The following PCDHGC3 variants were observed in gnomAD, a reference collection of about 807,000 sequenced individuals.
The protein encoded by PCDHGC3 is protocadherin gamma subfamily C, 3, also known as protocadherin gamma-C3.
A neutral mutation model predicts 59.2 loss-of-function variants in PCDHGC3; 26 were observed. The observed-to-expected ratio is 0.44, with a 90% CI of 0.32 to 0.61. The LOEUF is 0.61. Ranked by LOEUF, PCDHGC3 falls within the 20% of genes least tolerant of loss-of-function variation. The pLI, the probability that PCDHGC3 is intolerant of heterozygous loss-of-function variation, is 0.05. For synonymous variants in PCDHGC3, 487 were observed against 519.7 expected, an observed-to-expected ratio of 0.94 and a Z score of 0.86; for missense variants, 1,080 against 1,221.8, an observed-to-expected ratio of 0.88 and a Z score of 1.73.
chr5:141,487,297 C>A lies in PCDHGC3; in HGVS notation c.2431-7510C>A. ...TTTGCTTTGTCTCCTTTGGCTCATT[C>A]GTGGCACTACTCTCTAAGTGTCTTC... is the stretch of plus-strand genomic sequence containing the variant. On this transcript the variant is annotated intron_variant, in intron 1 of 3. Transcript: ENST00000308177. This position sits in a 1 kb window ranked among gnomAD's most constrained non-coding sequence, Gnocchi z 5.0. 1 of 1,614,102 alleles carries A rather than the reference C, an allele frequency of 6.2e-7. No homozygotes were observed. The highest frequency in any genetic ancestry group is 8.5e-7 in the Non-Finnish European group (1 of 1,180,002).
intron 1 of PCDHGC3, among the ~76,000 whole-genome samples, chr5:141,492,090 C>T (rs751238997): frequency 1.4e-4 from 21 of 152,258 alleles, no homozygotes; most frequent in Admixed American, 6.5e-5. Flanking sequence ...GCACGCTTCG[C>T]CGGTCTGTAG....
chr5:141,491,567 C>T lies in PCDHGC3; in HGVS notation c.2431-3240C>T, dbSNP rs2099721325. On this transcript the variant is annotated intron_variant, in intron 1 of 3. Transcript: ENST00000308177. The surrounding 1 kb of genome is among the most constrained non-coding windows in gnomAD (Gnocchi z 6.9). ...GACTCGCAGAGCCACTGCTACAGGACGTGCTTTTCACCGGCCTCGGACGGC... is the reference window on the plus strand; with the variant it reads ...GACTCGCAGAGCCACTGCTACAGGATGTGCTTTTCACCGGCCTCGGACGGC... 1.9e-6 allele frequency: 3 copies of T among 1,614,004 alleles called. No individual in the cohort carries two copies. The highest frequency in any genetic ancestry group is 2.5e-6 in the Non-Finnish European group (3 of 1,180,034).
rs2099686717 is a variant in PCDHGC3, at chr5:141,489,403, A to C, written c.2431-5404A>C. The C allele has an allele frequency of 6.2e-7, 1 of 1,614,172 alleles. No homozygotes were observed. Among genetic ancestry groups the C allele is most frequent in the East Asian group, 2.2e-5 (1 of 44,884 alleles). On this transcript the variant is annotated intron_variant, in intron 1 of 3. Coordinates refer to ENST00000308177, the MANE Select transcript of PCDHGC3 (RefSeq NM_002588.4). The surrounding 1 kb of genome is among the most constrained non-coding windows in gnomAD (Gnocchi z 4.5). ...GAATGTTGCTCAGGATCTGGGCTTA[A>C]AGATGACAGATCTGTTGAGCCGGCG...
At chr5:141,494,763 C>T in intron 1 of PCDHGC3, 44 bp from the exon 2 acceptor site, 4 of 1,613,926 alleles carry the variant, frequency 2.5e-6, no homozygotes, top group Admixed American at 1.7e-5. Context: ...GACATTCTAA[C>T]TTCTCACGGG....
At position 141,486,182 on chromosome 5, in the gene PCDHGC3, C is replaced by G. The variant is rs1288782056; in HGVS notation, c.2430+7636C>G. On this transcript the variant is annotated intron_variant, in intron 1 of 3. Transcript: ENST00000308177. This position sits in a 1 kb window ranked among gnomAD's most constrained non-coding sequence, Gnocchi z 5.0. ...AGCCATGGAGCAACATTGCAGCCTT[C>G]GAGTGGATCTGCTGGACGTAAATGA... 1 of 1,614,198 alleles carries G rather than the reference C, an allele frequency of 6.2e-7. No individual in the cohort carries two copies. Among genetic ancestry groups the G allele is most frequent in the Non-Finnish European group, 8.5e-7 (1 of 1,180,028 alleles).
Position 141,501,940 on chromosome 5 carries a change from C to T in PCDHGC3, c.2490-3453C>T, listed in dbSNP as rs565207980. Among the ~76,000 whole-genome samples the T allele has an allele frequency of 2.6e-5, 4 of 152,250 alleles. No individual in the cohort carries two copies. In the East Asian group the frequency reaches 7.7e-4, roughly 29 times the overall value. On this transcript the variant is annotated intron_variant, in intron 2 of 3. Transcript: ENST00000308177. ...CAGCTTTGTTCCCTCAACACCACTG[C>T]TCCCTGTGACAGGTCATCCTCCTAA...
rs2099710738 is a variant in PCDHGC3, at chr5:141,491,331, T to C, written c.2431-3476T>C. 6.2e-7 allele frequency: 1 copy of C among 1,614,170 alleles called. No homozygotes were observed. The highest frequency in any genetic ancestry group is 8.5e-7 in the Non-Finnish European group (1 of 1,180,018). On this transcript the variant is annotated intron_variant, in intron 1 of 3. Coordinates refer to ENST00000308177, the MANE Select transcript of PCDHGC3 (RefSeq NM_002588.4). The surrounding 1 kb of genome is among the most constrained non-coding windows in gnomAD (Gnocchi z 6.9). ...ACCTTACCCTTTACCTCATTGTGGC[T>C]CTAGCGACCGTCAGTCTCTTATCCC...
At chr5:141,502,815 TTTCC>T in intron 2 of PCDHGC3, among the ~76,000 whole-genome samples, 1 of 151,372 alleles carries the variant, frequency 6.6e-6, no homozygotes, top group East Asian at 1.9e-4. Context: ...TTCACTGTCT[TTTCC>T]TTGGGGAAGC....
intron 1 of PCDHGC3, 62 bp from the exon 2 acceptor site, chr5:141,494,745 G>T: frequency 1.2e-6 from 2 of 1,612,802 alleles, no homozygotes; most frequent in African/African-American, 1.3e-5. Context: ...ATCCCTAGGG[G>T]CTCGGGTGAC....
chr5:141,501,964 A>G (rs1374872785), intron 2 of PCDHGC3, among the ~76,000 whole-genome samples: 1 of 151,854 alleles, frequency 6.6e-6, no homozygotes, highest in East Asian at 1.9e-4. Flanking sequence ...TCATCCTCCT[A>G]ACCTCTGGCA....
At chr5:141,506,164 G>A (rs959032250) in intron 3 of PCDHGC3, among the ~76,000 whole-genome samples, 17 of 152,140 alleles carry the variant, frequency 1.1e-4, no homozygotes, top group Non-Finnish European at 2.4e-4. Context: ...TAAGAGCACA[G>A]CCTAAGCTGG....
chr5:141,502,955 T>C (rs2099817293), intron 2 of PCDHGC3, among the ~76,000 whole-genome samples: 1 of 149,868 alleles, frequency 6.7e-6, no homozygotes, highest in Non-Finnish European at 1.5e-5. Context: ...GCGATTCTCC[T>C]GCCTCAGCCT....
chr5:141,496,215 T>C (rs2099767024), intron 2 of PCDHGC3, among the ~76,000 whole-genome samples: 3 of 152,114 alleles, frequency 2.0e-5, no homozygotes, highest in Non-Finnish European at 4.4e-5. Context: ...TATGAATTCC[T>C]GCTGAGACAG....
At position 141,505,629 on chromosome 5, in the gene PCDHGC3, C is replaced by T. The variant is rs1475582931; in HGVS notation, c.2578+148C>T. 7.4e-6 allele frequency: 11 copies of T among 1,482,192 alleles called. No individual in the cohort carries two copies. The African/African-American group carries it at 9.8e-5, about 13-fold the overall frequency. The allele number at this position is 1,482,192 out of a possible 1,614,324, so 91.8% of individuals were successfully genotyped here. ...GTCTGAAAGGACCCACAATTCCAAACATAAAGCCTGGAATTGTGGCTAAGG... is the reference window on the plus strand; with the variant it reads ...GTCTGAAAGGACCCACAATTCCAAATATAAAGCCTGGAATTGTGGCTAAGG... On this transcript the variant is annotated intron_variant, in intron 3 of 3. Coordinates refer to ENST00000308177, the MANE Select transcript of PCDHGC3 (RefSeq NM_002588.4).
Position 141,476,944 on chromosome 5 carries a change from C to T in PCDHGC3, c.828C>T (p.Asn276=), listed in dbSNP as rs1360022622. The T allele has an allele frequency of 3.3e-5, 53 of 1,614,072 alleles. No homozygotes were observed. The highest frequency in any genetic ancestry group is 4.1e-5 in the Non-Finnish European group (48 of 1,180,052). ...CAACGGATCTGGATGAAGGCCCCAACGGTGAAATTATTTACTCCTTCGGCA... is the reference window on the plus strand; with the variant it reads ...CAACGGATCTGGATGAAGGCCCCAATGGTGAAATTATTTACTCCTTCGGCA... ...VLATDLDEGP[N]GEIIYSFGSH... Residue 276 remains asparagine, a synonymous_variant, in exon 1 of 4, where the codon AAC becomes AAT. Transcript: ENST00000308177. The surrounding 1 kb of genome is among the most constrained non-coding windows in gnomAD (Gnocchi z 7.6).
chr5:141,489,364 G>A lies in PCDHGC3; in HGVS notation c.2431-5443G>A, dbSNP rs2099686163. On this transcript the variant is annotated intron_variant, in intron 1 of 3. Coordinates refer to ENST00000308177, the MANE Select transcript of PCDHGC3 (RefSeq NM_002588.4). The surrounding 1 kb of genome is among the most constrained non-coding windows in gnomAD (Gnocchi z 4.5). The stretch of plus-strand genomic sequence containing the variant: ...CTCAGTGGTGGAGGAGTCTGAGCCG[G>A]GGACGCTGGTGGGGAATGTTGCTCA... 1 of 1,613,450 alleles carries A rather than the reference G, an allele frequency of 6.2e-7. No homozygotes were observed. The highest frequency in any genetic ancestry group is 1.1e-5 in the South Asian group (1 of 91,042).
chr5:141,484,426 C>T (rs377504062), intron 1 of PCDHGC3, among the ~76,000 whole-genome samples: 1 of 152,188 alleles, frequency 6.6e-6, no homozygotes, highest in African/African-American at 2.4e-5. Context: ...ACAATGAGAA[C>T]ATGTACTGCA....
chr5:141,478,637 G>A (rs1227108157), intron 1 of PCDHGC3, 91 bp downstream of exon 1: 2 of 1,552,684 alleles, frequency 1.3e-6, no homozygotes, highest in Non-Finnish European at 1.7e-6. Context: ...TTTTAGTGAT[G>A]AAGATGTTTT....
In PCDHGC3 at chr5:141,487,883, G is replaced by A; in HGVS notation, c.2431-6924G>A. ...GGTGATCAAGAGCCAGGCTGTTGTG[G>A]AAGCATGATGATGGAATGTGGGAGC... is the stretch of plus-strand genomic sequence containing the variant. On this transcript the variant is annotated intron_variant, in intron 1 of 3. Transcript: ENST00000308177. This position sits in a 1 kb window ranked among gnomAD's most constrained non-coding sequence, Gnocchi z 5.0. The A allele has an allele frequency of 1.3e-6, 1 of 766,586 alleles. No homozygotes were observed. The highest frequency in any genetic ancestry group is 1.8e-5 in the South Asian group (1 of 55,094). 47.5% of individuals were successfully genotyped at this position (766,586 alleles called of 1,614,324 possible).
Sources: gnomAD v4.1 joint callset for allele counts (sites outside exome capture counted in the v4.1 genomes callset) on GRCh38, gnomAD v4.1.1 for gene constraint, Gnocchi (gnomAD v3.1) non-coding constraint, MANE v1.5 for transcripts, NCBI Gene and HGNC (gene_info 2026-07-23, HGNC 2026-07-21) for gene names.